The following ZNF676 variants were observed in gnomAD, a reference collection of about 807,000 sequenced individuals.
The protein encoded by ZNF676 is zinc finger protein 676.
A neutral mutation model predicts 6.0 loss-of-function variants in ZNF676; 4 were observed. The observed-to-expected ratio is 0.67, with a 90% CI of 0.33 to 1.53. ZNF676 has a LOEUF of 1.53. ZNF676 is among the 40% of genes most tolerant of loss of function. The probability of loss-of-function intolerance (pLI) is 0.06; values close to 1 mark genes in which losing one functional copy is unlikely to be tolerated. For missense variants in ZNF676, 644 were observed against 679.7 expected, an observed-to-expected ratio of 0.95 and a Z score of 0.58; for synonymous variants, 198 against 223.1, an observed-to-expected ratio of 0.89 and a Z score of 1.00.
At chr19:22,257,786 C>T in the ZNF676 span, among the ~76,000 whole-genome samples, 1 of 152,146 alleles carries the variant, frequency 6.6e-6, no homozygotes, top group African/African-American at 2.4e-5. Context: ...GAGGAGCAGG[C>T]TCAGGCAGGA....
At chr19:22,200,982 C>T (rs538980624), upstream of ZNF676, among the ~76,000 whole-genome samples, 57 of 152,138 alleles carry the variant, frequency 3.7e-4, no homozygotes, top group Non-Finnish European at 6.8e-4. Flanking sequence ...CTCAGAGATT[C>T]GTAGGTGATT....
In ZNF676 at chr19:22,181,005, A is replaced by C; in HGVS notation, c.712T>G (p.Ser238Ala). 1 of 1,571,218 alleles carries C rather than the reference A, an allele frequency of 6.4e-7. No homozygotes were observed. Among genetic ancestry groups the C allele is most frequent in the South Asian group, 1.1e-5 (1 of 89,136 alleles). Residue 238 changes from serine to alanine, a missense_variant, in exon 3 of 3, where the codon TCA becomes GCA. By Grantham distance (99) the Ser-to-Ala change is moderately conservative. This residue lies in a region of ZNF676 where 28 missense variants were observed against 83.7 expected (regional missense o/e 0.33). Coordinates refer to ENST00000397121, the MANE Select transcript of ZNF676 (RefSeq NM_001001411.3). ...EECGKAFNRS[S>A]ILTKHKIIHT... ...ATTATCTTATGTTTAGTAAGGATTGAGGATCGATTAAAAGCTTTGCCACAT... is the reference window on the plus strand; with the variant it reads ...ATTATCTTATGTTTAGTAAGGATTGCGGATCGATTAAAAGCTTTGCCACAT...
At chr19:22,241,972 T>C in the ZNF676 span, among the ~76,000 whole-genome samples, 1 of 150,620 alleles carries the variant, frequency 6.6e-6, no homozygotes, top group Non-Finnish European at 1.5e-5. Context: ...AACAGTCTCG[T>C]CTGTGTGCTG....
At chr19:22,188,768 A>G (rs528942288) in intron 2 of ZNF676, among the ~76,000 whole-genome samples, 24 of 152,300 alleles carry the variant, frequency 1.6e-4, no homozygotes, top group African/African-American at 5.3e-4. Flanking sequence ...TACAAAGAGA[A>G]TAAAATACCT....
the ZNF676 span, among the ~76,000 whole-genome samples, chr19:22,224,110 C>A: frequency 6.7e-6 from 1 of 150,076 alleles, no homozygotes; most frequent in Non-Finnish European, 1.5e-5. Flanking sequence ...AAAATACCTG[C>A]CTTCCATGAG....
the ZNF676 span, among the ~76,000 whole-genome samples, chr19:22,239,197 A>AT: frequency 0.023 from 2,945 of 130,056 alleles, 76 homozygotes; most frequent in African/African-American, 0.048. Context: ...CCAACTGTGA[A>AT]TTTTTTTTTT....
chr19:22,210,130 G>C (rs905503680), intron 1 of ZNF676, among the ~76,000 whole-genome samples: 20 of 152,180 alleles, frequency 1.3e-4, no homozygotes, highest in African/African-American at 4.8e-4. Flanking sequence ...GTGTAGAGGA[G>C]AGCAGAGCTT....
At chr19:22,226,059 G>A in the ZNF676 span, among the ~76,000 whole-genome samples, 1 of 151,608 alleles carries the variant, frequency 6.6e-6, no homozygotes, top group African/African-American at 2.4e-5. Context: ...ACACTTATTA[G>A]CTATTTTTTA....
the ZNF676 span, among the ~76,000 whole-genome samples, chr19:22,252,436 GAA>G: frequency 2.9e-5 from 4 of 137,238 alleles, no homozygotes; most frequent in South Asian, 2.3e-4. Flanking sequence ...AGAAAGAAAA[GAA>G]AAAAAAAAAA....
At chr19:22,213,388 A>C (rs281180) in intron 1 of ZNF676, among the ~76,000 whole-genome samples, 1 of 151,970 alleles carries the variant, frequency 6.6e-6, no homozygotes, top group African/African-American at 2.4e-5. Flanking sequence ...TTGTCTGAAC[A>C]GCAATGTGTC....
upstream of ZNF676, among the ~76,000 whole-genome samples, chr19:22,198,690 C>T (rs376271442): frequency 1.6e-4 from 24 of 152,236 alleles, no homozygotes; most frequent in African/African-American, 5.5e-4. Flanking sequence ...AGAAAAACTC[C>T]ATCCATTTCT....
chr19:22,214,875 T>TA, intron 1 of ZNF676, among the ~76,000 whole-genome samples: 1 of 150,780 alleles, frequency 6.6e-6, no homozygotes, highest in East Asian at 2.0e-4. Context: ...CCGTCTCTAC[T>TA]AAAAAATACC....
At chr19:22,215,709 C>T in exon 1 of ZNF676, 3 of 1,571,872 alleles carry the variant, frequency 1.9e-6, no homozygotes, top group Non-Finnish European at 2.6e-6. Context: ...GCCACAGAGG[C>T]TGGGACTCTA....
At chr19:22,181,791 G>C (rs763982299) in intron 2 of ZNF676, among the ~76,000 whole-genome samples, 1 of 152,062 alleles carries the variant, frequency 6.6e-6, no homozygotes, top group Non-Finnish European at 1.5e-5. Flanking sequence ...CATGAGTTAA[G>C]TGTGTGCATT....
chr19:22,192,067 C>G (rs1284821063), intron 2 of ZNF676, among the ~76,000 whole-genome samples: 2 of 152,044 alleles, frequency 1.3e-5, no homozygotes, highest in African/African-American at 4.8e-5. Flanking sequence ...GCAATGTTCT[C>G]TATAAAAAAC....
At chr19:22,209,137 C>T (rs1314635238) in intron 1 of ZNF676, among the ~76,000 whole-genome samples, 6 of 151,882 alleles carry the variant, frequency 4.0e-5, no homozygotes, top group African/African-American at 7.3e-5. Flanking sequence ...TGGTGGCACA[C>T]GCCTGTAATC....
At chr19:22,233,882 C>T in the ZNF676 span, among the ~76,000 whole-genome samples, 2 of 152,196 alleles carry the variant, frequency 1.3e-5, no homozygotes, top group Non-Finnish European at 2.9e-5. Flanking sequence ...CTGAGGTCAC[C>T]CATTGGTTAG....
the ZNF676 span, among the ~76,000 whole-genome samples, chr19:22,251,106 C>A: frequency 1.3e-5 from 2 of 152,190 alleles, no homozygotes; most frequent in African/African-American, 4.8e-5. Flanking sequence ...TCTGATGGTA[C>A]AAACCCATGG....
At chr19:22,228,125 A>T in the ZNF676 span, among the ~76,000 whole-genome samples, 2 of 152,226 alleles carry the variant, frequency 1.3e-5, no homozygotes, top group African/African-American at 4.8e-5. Flanking sequence ...GGCAAACTGA[A>T]TCCAGCAGCA....
Sources: gnomAD v4.1 joint callset for allele counts (sites outside exome capture counted in the v4.1 genomes callset) on GRCh38, gnomAD v4.1.1 for gene constraint, gnomAD v4.1.1 regional missense constraint, MANE v1.5 for transcripts, NCBI Gene and HGNC (gene_info 2026-07-23, HGNC 2026-07-21) for gene names.